The following IL1R1 variants were observed in gnomAD, a reference collection of about 807,000 sequenced individuals.
IL1R1 encodes the protein interleukin 1 receptor type 1.
A neutral mutation model predicts 50.2 loss-of-function variants in IL1R1; 22 were observed. The observed-to-expected ratio is 0.44, with a 90% CI of 0.31 to 0.63. IL1R1 has a LOEUF of 0.63. Among genes scored for constraint, IL1R1 ranks in the 20% least tolerant of loss-of-function variants. IL1R1 has a pLI of 0.07. For missense variants in IL1R1, 509 were observed against 676.2 expected (o/e 0.75, Z 2.74); for synonymous variants, 251 against 236.7 (o/e 1.06, Z -0.55).
chr2:102,096,990 G>A (rs1679933389), intron 1 of IL1R1, among the ~76,000 whole-genome samples: 1 of 151,112 alleles, frequency 6.6e-6, no homozygotes, highest in Admixed American at 6.6e-5. Flanking sequence ...TGCCACCTCT[G>A]TCATGTACTA....
At chr2:102,077,452 G>T (rs1224467632) in intron 1 of IL1R1, among the ~76,000 whole-genome samples, 1 of 152,168 alleles carries the variant, frequency 6.6e-6, no homozygotes, top group African/African-American at 2.4e-5. Context: ...AGATACAGCT[G>T]ATTTTATCTC....
intron 3 of IL1R1, among the ~76,000 whole-genome samples, chr2:102,162,564 T>G (rs1001640294): frequency 1.3e-5 from 2 of 152,126 alleles, no homozygotes; most frequent in Non-Finnish European, 2.9e-5. Context: ...CATAACTGTT[T>G]GTTGTGTATG....
rs927204708 is a variant in IL1R1 at position 102,086,150 on chromosome 2, G to C, written c.-84+15617G>C. 2.0e-5 allele frequency among the ~76,000 whole-genome samples: 3 copies of C among 152,246 alleles called. No individual in the cohort carries two copies. The East Asian group carries it at 5.8e-4, about 29-fold the overall frequency. On this transcript the variant is annotated intron_variant, in intron 1 of 11. Transcript: ENST00000409929. ...TCTGTACATGCTTGTGAATATTCCA[G>C]AAAAACAATCATGCCATCTGCAAAT... is the stretch of plus-strand genomic sequence containing the variant.
intron 3 of IL1R1, among the ~76,000 whole-genome samples, 185 bp downstream of exon 3, chr2:102,157,970 C>A (rs1223787773): frequency 6.6e-6 from 1 of 152,156 alleles, no homozygotes; most frequent in Non-Finnish European, 1.5e-5. Flanking sequence ...TCATTCTCTC[C>A]CATATAGAGT....
chr2:102,157,260 G>A (rs1684283514), intron 2 of IL1R1, among the ~76,000 whole-genome samples: 1 of 152,046 alleles, frequency 6.6e-6, no homozygotes, highest in Admixed American at 6.5e-5. Flanking sequence ...TAAAATGAAG[G>A]CATGACCTTT....
intron 1 of IL1R1, among the ~76,000 whole-genome samples, chr2:102,133,773 G>A (rs1433573104): frequency 2.0e-5 from 3 of 152,130 alleles, no homozygotes; most frequent in African/African-American, 4.8e-5. Context: ...TCCAATAAGG[G>A]ATGTGTACGA....
rs1679444087 is a variant in IL1R1, at chr2:102,086,665, A to G, written c.-84+16132A>G. ...AAAACTCACTAGTTCTTTATCTGTCACTAATCTGCTCTGGGAATCACCTCG... is the reference window on the plus strand; with the variant it reads ...AAAACTCACTAGTTCTTTATCTGTCGCTAATCTGCTCTGGGAATCACCTCG... On this transcript the variant is annotated intron_variant, in intron 1 of 11. Transcript: ENST00000409929. Among the ~76,000 whole-genome samples the G allele has an allele frequency of 2.0e-5, 3 of 152,054 alleles. No homozygotes were observed. The South Asian group carries it at 6.2e-4, about 31-fold the overall frequency.
At chr2:102,075,479 T>G (rs1678919183) in intron 1 of IL1R1, among the ~76,000 whole-genome samples, 1 of 152,174 alleles carries the variant, frequency 6.6e-6, no homozygotes, top group Non-Finnish European at 1.5e-5. Context: ...ATTTAAATGT[T>G]AAAGAGGTGA....
intron 1 of IL1R1, among the ~76,000 whole-genome samples, chr2:102,109,553 A>G (rs1425545416): frequency 6.6e-6 from 1 of 152,138 alleles, no homozygotes; most frequent in Admixed American, 6.6e-5. Flanking sequence ...AAAGGTGCCA[A>G]GAGTCCAGTT....
chr2:102,127,874 G>T (rs149618764), intron 1 of IL1R1, among the ~76,000 whole-genome samples: 15 of 152,090 alleles, frequency 9.9e-5, no homozygotes, highest in African/African-American at 3.6e-4. Flanking sequence ...AAAATGAAGA[G>T]AAACAAAACC....
Position 102,175,577 on chromosome 2 carries a change from C to T in IL1R1, c.1235C>T (p.Pro412Leu). 6.2e-7 allele frequency: 1 copy of T among 1,613,964 alleles called. No homozygotes were observed. The highest frequency in any genetic ancestry group is 8.5e-7 in the Non-Finnish European group (1 of 1,179,930). Residue 412 changes from proline to leucine, a missense_variant, in exon 11 of 12, where the codon CCT becomes CTT. Physicochemically the swap from Pro to Leu is moderately conservative, Grantham distance 98. Coordinates refer to ENST00000410023, the MANE Select transcript of IL1R1 (RefSeq NM_000877.4). ...DCDIFVFKVL[P>L]EVLEKQCGYK... Reference sequence around the variant, plus strand: ...GATATTTTTGTGTTTAAAGTCTTGCCTGAGGTCTTGGAAAAACAGTGTGGA... The same window carrying T: ...GATATTTTTGTGTTTAAAGTCTTGCTTGAGGTCTTGGAAAAACAGTGTGGA...
At chr2:102,165,962 G>A (rs992092663) in intron 5 of IL1R1, 151 bp from the exon 6 acceptor site, 1 of 601,946 alleles carries the variant, frequency 1.7e-6, no homozygotes, top group Non-Finnish European at 2.9e-6. Flanking sequence ...CAAAAAGCCA[G>A]TATTAAAACT....
Position 102,166,180 on chromosome 2 carries a change from A to G in IL1R1, c.554A>G (p.Asn185Ser). ...GTCAAAGATAGGCTCATCGTGATGA[A>G]TGTGGCTGAAAAGCATAGAGGGAAC... ...SGVKDRLIVM[N>S]VAEKHRGNYT... The change falls in exon 6 of 12, where the codon AAT (asparagine) becomes AGT (serine). Residue 185 changes from asparagine (N) to serine (S), a missense_variant. Coordinates refer to ENST00000410023, the MANE Select transcript of IL1R1 (RefSeq NM_000877.4). 6.2e-7 allele frequency: 1 copy of G among 1,613,886 alleles called. No homozygotes were observed. Among genetic ancestry groups the G allele is most frequent in the Non-Finnish European group, 8.5e-7 (1 of 1,179,814 alleles).
At chr2:102,170,997 G>C (rs1435429883) in intron 7 of IL1R1, among the ~76,000 whole-genome samples, 3 of 152,196 alleles carry the variant, frequency 2.0e-5, no homozygotes, top group African/African-American at 7.2e-5. Context: ...GGAGGAGAAG[G>C]TTACAGTGAG....
chr2:102,101,657 A>T (rs184223921), upstream of IL1R1, among the ~76,000 whole-genome samples: 1 of 152,370 alleles, frequency 6.6e-6, no homozygotes, highest in East Asian at 1.9e-4. Flanking sequence ...AAACTTTTCC[A>T]TAAGAATATT....
chr2:102,103,316 A>G (rs73943976), upstream of IL1R1, among the ~76,000 whole-genome samples: 7,656 of 152,156 alleles, frequency 0.05, 422 homozygotes, highest in African/African-American at 0.13. Context: ...CTGCTTGAGC[A>G]AATGGCGGTG....
chr2:102,140,228 T>C (rs1378593881), upstream of IL1R1, among the ~76,000 whole-genome samples: 1 of 152,262 alleles, frequency 6.6e-6, no homozygotes, highest in Admixed American at 6.5e-5. Context: ...ATGTTTATAA[T>C]GGACAGTCTT....
intron 1 of IL1R1, among the ~76,000 whole-genome samples, chr2:102,072,392 C>T (rs889670492): frequency 6.6e-5 from 10 of 152,160 alleles, no homozygotes; most frequent in Admixed American, 3.3e-4. Context: ...AAAAGTTTGG[C>T]GCTTTATCCT....
chr2:102,093,764 A>G (rs1679781342), intron 1 of IL1R1, among the ~76,000 whole-genome samples: 1 of 151,722 alleles, frequency 6.6e-6, no homozygotes, highest in Non-Finnish European at 1.5e-5. Flanking sequence ...CAGCCGCCCC[A>G]CTCCCCAGCA....
Sources: allele counts gnomAD v4.1 joint callset (sites outside exome capture counted in the v4.1 genomes callset), GRCh38; gene constraint gnomAD v4.1.1; transcripts MANE v1.5; gene names NCBI Gene and HGNC (gene_info 2026-07-23, HGNC 2026-07-21).